The following MRPL47 variants were observed in gnomAD, a reference collection of about 807,000 sequenced individuals.
The protein encoded by MRPL47 is mitochondrial ribosomal protein L47, also known as large ribosomal subunit protein uL29m.
In MRPL47, 31 loss-of-function variants were observed where a neutral mutation model predicts 34.0. The ratio of observed to expected loss-of-function variants is 0.91; its 90% CI spans 0.68 to 1.23. The LOEUF (loss-of-function observed/expected upper bound fraction) is 1.23, where lower values mean the gene tolerates loss of function less well. MRPL47 is among the 50% of genes most tolerant of loss of function. The pLI is 0.00. For missense variants in MRPL47, 328 were observed against 285.8 expected, an observed-to-expected ratio of 1.15 and a Z score of -1.07; for synonymous variants, 106 against 101.6, an observed-to-expected ratio of 1.04 and a Z score of -0.26.
intron 6 of MRPL47, among the ~76,000 whole-genome samples, chr3:179,589,738 A>G (rs2108377046): frequency 6.6e-6 from 1 of 152,134 alleles, no homozygotes; most frequent in Admixed American, 6.5e-5. Flanking sequence ...GAAAATTGAG[A>G]TAACACGTAT....
chr3:179,591,731 CA>C (rs1245536909), intron 6 of MRPL47, among the ~76,000 whole-genome samples: 1 of 152,170 alleles, frequency 6.6e-6, no homozygotes, highest in Non-Finnish European at 1.5e-5. Flanking sequence ...TTCATTTTAA[CA>C]TAACAGTAGA....
At position 179,588,900 on chromosome 3, in the gene MRPL47, G is replaced by T; in HGVS notation, c.725C>A (p.Ala242Asp). 1 of 1,613,468 alleles carries T rather than the reference G, an allele frequency of 6.2e-7. No homozygotes were observed. The highest frequency in any genetic ancestry group is 8.5e-7 in the Non-Finnish European group (1 of 1,179,714). Residue 242 changes from alanine (A) to aspartate (D), a missense_variant, in exon 7 of 7, where the codon GCT becomes GAT. Transcript: ENST00000476781. ...GACAAGACTTGACTTTTGGGCTTCA[G>T]CAAGATGTGGAAACTTTTTTAAAAG... ...KILLKKFPHL[A>D]EAQKSSLV
At chr3:179,592,387 G>A (rs1576865694) in intron 6 of MRPL47, among the ~76,000 whole-genome samples, 2 of 150,854 alleles carry the variant, frequency 1.3e-5, no homozygotes, top group Non-Finnish European at 1.5e-5. Context: ...GTAGAGACGG[G>A]GTTTCACCAT....
chr3:179,592,350 A>G (rs1167403913), intron 6 of MRPL47, among the ~76,000 whole-genome samples: 1 of 151,906 alleles, frequency 6.6e-6, no homozygotes, highest in African/African-American at 2.4e-5. Flanking sequence ...GCCCACCACC[A>G]TGTCCGTCTA....
At chr3:179,595,884 C>A (rs1023294434) in intron 4 of MRPL47, among the ~76,000 whole-genome samples, 10 of 152,310 alleles carry the variant, frequency 6.6e-5, no homozygotes, top group Admixed American at 1.3e-4. Context: ...TAAGAGTATA[C>A]ACTTCTCTTT....
At chr3:179,589,309 C>T (rs1011564665) in intron 6 of MRPL47, among the ~76,000 whole-genome samples, 2 of 152,140 alleles carry the variant, frequency 1.3e-5, no homozygotes, top group Admixed American at 6.5e-5. Context: ...GAGTGTTATT[C>T]TGTGTATAGG....
intron 1 of MRPL47, among the ~76,000 whole-genome samples, chr3:179,604,144 A>C (rs1318753707): frequency 6.6e-6 from 1 of 152,222 alleles, no homozygotes; most frequent in Non-Finnish European, 1.5e-5. Context: ...AAATACAAAT[A>C]TCTCTTCTTT....
At chr3:179,602,596 G>A in intron 2 of MRPL47, 56 bp downstream of exon 2, 2 of 751,930 alleles carry the variant, frequency 2.7e-6, no homozygotes, top group South Asian at 1.9e-5. Flanking sequence ...GGTTGGGCGG[G>A]GCGGGGGGGG....
intron 4 of MRPL47, among the ~76,000 whole-genome samples, chr3:179,597,673 T>C (rs1158828957): frequency 6.6e-6 from 1 of 151,942 alleles, no homozygotes; most frequent in Non-Finnish European, 1.5e-5. Flanking sequence ...CCAGTAGTGG[T>C]GGTGTGTGCC....
intron 4 of MRPL47, among the ~76,000 whole-genome samples, chr3:179,597,152 T>C (rs2108382034): frequency 6.6e-6 from 1 of 152,326 alleles, no homozygotes; most frequent in Admixed American, 6.5e-5. Context: ...CTACTATTCT[T>C]GTAATTTTTC....
intron 3 of MRPL47, among the ~76,000 whole-genome samples, chr3:179,600,492 T>A (rs769673293): frequency 2.0e-5 from 3 of 151,442 alleles, no homozygotes; most frequent in Non-Finnish European, 4.4e-5. Context: ...AATACAAAAA[T>A]TTAGCTGGGC....
intron 4 of MRPL47, among the ~76,000 whole-genome samples, chr3:179,597,841 C>T (rs1718823995): frequency 1.3e-5 from 2 of 151,986 alleles, no homozygotes. Context: ...ACCAACTTCT[C>T]ACAATATTGT....
Position 179,602,706 on chromosome 3 carries a change from G to A in MRPL47, c.190C>T (p.Leu64=). 1 of 1,611,132 alleles carries A rather than the reference G, an allele frequency of 6.2e-7. No individual in the cohort carries two copies. Among genetic ancestry groups the A allele is most frequent in the Non-Finnish European group, 8.5e-7 (1 of 1,178,926 alleles). Residue 64 remains leucine, a synonymous_variant, in exon 2 of 7, where the codon CTA becomes TTA. Transcript: ENST00000476781. ...TTTGGGTCATCAAAAAATTCTTCTA[G>A]TCCTTTCCTTGACAATGTGGTATGA... ...LLHTTLSRKG[L]EEFFDDPKNW... is the part of the protein sequence containing the mutation.
rs758846494 is a variant in MRPL47 at position 179,602,609 on chromosome 3, G to A, written c.244+43C>T. ...ATGGTTGGGCGGGGCGGGGGGGGGG[G>A]TTCCATAAATATATCTAATGTTGAC... On this transcript the variant is annotated intron_variant, in intron 2 of 6. Transcript: ENST00000476781. The A allele has an allele frequency of 9.2e-5, 72 of 780,152 alleles. 1 individual carries two copies. The highest frequency in any genetic ancestry group is 4.0e-4 in the South Asian group (25 of 62,842). The allele number at this position is 780,152 out of a possible 1,614,324, so 48.3% of individuals were successfully genotyped here.
intron 6 of MRPL47, among the ~76,000 whole-genome samples, chr3:179,591,119 G>C (rs986501287): frequency 6.6e-6 from 1 of 152,172 alleles, no homozygotes; most frequent in African/African-American, 2.4e-5. Context: ...CGGTTTCTGA[G>C]GAACTTGCTA....
In MRPL47 at chr3:179,604,597, A is replaced by T. The variant is rs2339844; in HGVS notation, c.28T>A (p.Cys10Ser). The part of the protein sequence containing the change: MAAAGLALL[C>S]RRVSSALKSS... The stretch of plus-strand genomic sequence containing the variant: ...TTCAGGGCGGATGAAACTCTCCTAC[A>T]AAGAAGGGCCAAACCGGCCGCAGCC... Residue 10 changes from cysteine to serine, a missense_variant, in exon 1 of 7, where the codon TGT becomes AGT. Transcript: ENST00000476781. The T allele has an allele frequency of 6.2e-7, 1 of 1,614,170 alleles. No individual in the cohort carries two copies. Among genetic ancestry groups the T allele is most frequent in the South Asian group, 1.1e-5 (1 of 91,082 alleles).
chr3:179,600,486 C>CA (rs1388271010), intron 3 of MRPL47, among the ~76,000 whole-genome samples: 1 of 151,922 alleles, frequency 6.6e-6, no homozygotes, highest in East Asian at 1.9e-4. Context: ...ACTAAAAATA[C>CA]AAAAATTTAG....
At chr3:179,592,191 T>TTTTG (rs956091966) in intron 6 of MRPL47, among the ~76,000 whole-genome samples, 5 of 151,370 alleles carry the variant, frequency 3.3e-5, no homozygotes, top group Admixed American at 6.6e-5. Flanking sequence ...TTTTTACCTA[T>TTTTG]TTTGTTTGTT....
At position 179,593,804 on chromosome 3, in the gene MRPL47, G is replaced by A. The variant is rs190148109; in HGVS notation, c.494C>T (p.Pro165Leu). The A allele has an allele frequency of 6.2e-7, 1 of 1,613,802 alleles. No homozygotes were observed. The highest frequency in any genetic ancestry group is 2.2e-5 in the East Asian group (1 of 44,860). ...LLQTGQERAR[P>L]GAWRRDIFGR... ...AAAGATGTCTCTTCTCCAAGCACCA[G>A]GTCTAGCTCTTTCTTGACCAGTCTG... The change falls in exon 5 of 7, where the codon CCT becomes CTT. Residue 165 changes from proline (P) to leucine (L), a missense_variant. Physicochemically the swap from Pro to Leu is moderately conservative, Grantham distance 98. Coordinates refer to ENST00000476781, the MANE Select transcript of MRPL47 (RefSeq NM_020409.3).
Sources: allele counts gnomAD v4.1 joint callset (sites outside exome capture counted in the v4.1 genomes callset), GRCh38; gene constraint gnomAD v4.1.1; transcripts MANE v1.5; gene names NCBI Gene and HGNC (gene_info 2026-07-23, HGNC 2026-07-21).